Variants in RBFOX1 observed in about 807,000 individuals in gnomAD.
The protein encoded by RBFOX1 is RNA binding fox-1 homolog 1, also known as RNA binding protein fox-1 homolog 1.
Under a neutral mutation model 57.7 loss-of-function variants are expected in RBFOX1, and 8 were observed. The ratio of observed to expected loss-of-function variants is 0.14; its 90% confidence interval spans 0.08 to 0.25. The LOEUF is 0.25. Ranked by LOEUF, RBFOX1 falls within the 10% of genes least tolerant of loss-of-function variation. RBFOX1 has a pLI of 1.00. For missense variants in RBFOX1, 611 were observed against 548.5 expected, an observed-to-expected ratio of 1.11 and a Z score of -1.14; for synonymous variants, 326 against 222.4, an observed-to-expected ratio of 1.47 and a Z score of -4.15.
chr16:7,639,805 A>T (rs531541038), intron 11 of RBFOX1, among the ~76,000 whole-genome samples: 2 of 152,018 alleles, frequency 1.3e-5, no homozygotes, highest in East Asian at 1.9e-4. Context: ...GCTTCACCAA[A>T]CCCATGGATT....
chr16:7,673,857 T>TAA (rs2072409480), intron 13 of RBFOX1, among the ~76,000 whole-genome samples: 1 of 152,222 alleles, frequency 6.6e-6, no homozygotes, highest in African/African-American at 2.4e-5. Flanking sequence ...GGGAAAAATT[T>TAA]AATTGTCAAT....
chr16:7,174,529 C>A (rs145357005), intron 4 of RBFOX1, among the ~76,000 whole-genome samples: 3 of 152,126 alleles, frequency 2.0e-5, no homozygotes, highest in Non-Finnish European at 4.4e-5. Context: ...ACCTGCAATC[C>A]CAGCCCTTTG....
intron 3 of RBFOX1, among the ~76,000 whole-genome samples, chr16:5,630,382 G>A (rs555366197): frequency 1.3e-5 from 2 of 152,202 alleles, no homozygotes; most frequent in South Asian, 2.1e-4. Context: ...GTTTGAACCC[G>A]GGAGGTGGAG....
chr16:5,661,738 A>AT (rs1159246043), intron 3 of RBFOX1, among the ~76,000 whole-genome samples: 1 of 152,192 alleles, frequency 6.6e-6, no homozygotes, highest in African/African-American at 2.4e-5. Context: ...ACACAACAGC[A>AT]TTTTTAACTG....
chr16:5,768,927 T>G (rs1410060798), intron 3 of RBFOX1, among the ~76,000 whole-genome samples: 2 of 151,994 alleles, frequency 1.3e-5, no homozygotes. Flanking sequence ...GTGGTTTAGA[T>G]TATCAGATGA....
At chr16:6,078,944 T>C (rs1430297122) in intron 1 of RBFOX1, among the ~76,000 whole-genome samples, 1 of 152,222 alleles carries the variant, frequency 6.6e-6, no homozygotes, top group African/African-American at 2.4e-5. Flanking sequence ...GTTCATGATT[T>C]AATTTATCCT....
At position 5,906,719 on chromosome 16, in the gene RBFOX1, C is replaced by T. The variant is rs971837260; in HGVS notation, c.351+39384C>T. 4.2e-5 allele frequency among the ~76,000 whole-genome samples: 6 copies of T among 143,874 alleles called. No homozygotes were observed. In the South Asian group the frequency reaches 1.3e-3, roughly 32 times the overall value. 94.4% of individuals were successfully genotyped at this position (143,874 alleles called of 152,430 possible). On this transcript the variant is annotated intron_variant, in intron 4 of 19. Transcript: ENST00000641259. ...CCCAGCAGCCGCTGAAGCCATGAAT[C>T]CTAGATTCTTTTTTTTTTTTTTTTT...
intron 3 of RBFOX1, among the ~76,000 whole-genome samples, chr16:6,948,777 G>A (rs528439775): frequency 4.6e-5 from 7 of 152,234 alleles, no homozygotes; most frequent in African/African-American, 1.4e-4. Context: ...ATACAATCCA[G>A]AAGAGGAAGC....
At chr16:7,250,801 T>A (rs1039684725) in intron 4 of RBFOX1, among the ~76,000 whole-genome samples, 11 of 152,208 alleles carry the variant, frequency 7.2e-5, no homozygotes, top group Admixed American at 5.9e-4. Flanking sequence ...CCAAGACAGC[T>A]GCAGTTTCTC....
intron 1 of RBFOX1, among the ~76,000 whole-genome samples, chr16:6,266,395 C>G (rs941796033): frequency 1.3e-5 from 2 of 152,116 alleles, no homozygotes; most frequent in African/African-American, 2.4e-5. Flanking sequence ...CTAGCAGAAT[C>G]TCAGAATCTA....
At chr16:5,670,866 A>G (rs1478658710) in intron 3 of RBFOX1, among the ~76,000 whole-genome samples, 1 of 152,124 alleles carries the variant, frequency 6.6e-6, no homozygotes, top group African/African-American at 2.4e-5. Flanking sequence ...TTTTCATTGC[A>G]TTGTCTCACT....
chr16:6,867,895 A>C (rs923081823), intron 3 of RBFOX1, among the ~76,000 whole-genome samples: 1 of 152,068 alleles, frequency 6.6e-6, no homozygotes, highest in South Asian at 2.1e-4. Flanking sequence ...GTCATTCCAT[A>C]CTCTTAAACA....
intron 3 of RBFOX1, among the ~76,000 whole-genome samples, chr16:6,971,323 A>C (rs995326931): frequency 2.0e-5 from 3 of 152,148 alleles, no homozygotes; most frequent in Non-Finnish European, 4.4e-5. Context: ...CAGCCACAGA[A>C]ACATCCATGG....
At chr16:7,029,666 T>A (rs146285404) in intron 3 of RBFOX1, among the ~76,000 whole-genome samples, 1 of 152,166 alleles carries the variant, frequency 6.6e-6, no homozygotes, top group Non-Finnish European at 1.5e-5. Context: ...TAGGATATTC[T>A]AATTTTCAAA....
intron 1 of RBFOX1, among the ~76,000 whole-genome samples, chr16:6,064,531 TTTTC>T (rs2095733373): frequency 6.6e-6 from 1 of 152,088 alleles, no homozygotes; most frequent in Non-Finnish European, 1.5e-5. Flanking sequence ...ATACATACAA[TTTTC>T]TTTTTTTTAT....
chr16:5,800,994 C>T (rs1253969778), intron 3 of RBFOX1, among the ~76,000 whole-genome samples: 8 of 152,232 alleles, frequency 5.3e-5, no homozygotes, highest in South Asian at 2.1e-4. Flanking sequence ...AGTGCAAGAG[C>T]AAGACAGAGA....
chr16:5,532,206 G>A (rs552925730), intron 2 of RBFOX1, among the ~76,000 whole-genome samples: 30 of 152,324 alleles, frequency 2.0e-4, no homozygotes, highest in African/African-American at 7.2e-4. Flanking sequence ...GCACCTTGCA[G>A]GATGTTGAGC....
intron 3 of RBFOX1, among the ~76,000 whole-genome samples, chr16:6,902,045 A>G (rs767829147): frequency 1.3e-5 from 2 of 152,192 alleles, no homozygotes; most frequent in Non-Finnish European, 2.9e-5. Flanking sequence ...ACTTTACCTG[A>G]CATATGGAAA....
At position 7,417,981 on chromosome 16, in the gene RBFOX1, C is replaced by T. The variant is rs544840839; in HGVS notation, c.28-100166C>T. Among the ~76,000 whole-genome samples, 22 of 152,248 alleles carry T rather than the reference C, an allele frequency of 1.4e-4. 1 individual carries two copies. In the South Asian group the frequency reaches 4.4e-3, roughly 30 times the overall value. ...CTATCACCCAATCACCACAACCACC[C>T]TCATCCCACAGATGGGCTCCAGATG... On this transcript the variant is annotated intron_variant, in intron 4 of 15. Transcript: ENST00000550418.
Sources: gnomAD v4.1 joint callset for allele counts (sites outside exome capture counted in the v4.1 genomes callset) on GRCh38, gnomAD v4.1.1 for gene constraint, MANE v1.5 for transcripts, NCBI Gene and HGNC (gene_info 2026-07-23, HGNC 2026-07-21) for gene names.